AGBL4: variants seen among roughly 807,000 people sequenced by gnomAD.
AGBL4 encodes the protein cytosolic carboxypeptidase 6.
Under a neutral mutation model 66.4 loss-of-function variants are expected in AGBL4, and 58 were observed. That is an observed-to-expected ratio of 0.87 (90% CI 0.71 to 1.09). The LOEUF is 1.09. Among genes scored for constraint, AGBL4 ranks in the 50% least tolerant of loss-of-function variants. The pLI is 0.00. For synonymous variants in AGBL4, 234 were observed against 222.9 expected (o/e 1.05, Z -0.44); for missense variants, 579 against 631.0 (o/e 0.92, Z 0.88).
In AGBL4 at chr1:48,658,035, A is replaced by T. The variant is rs319999; in HGVS notation, c.725-4584T>A. On this transcript the variant is annotated intron_variant, in intron 7 of 13. Transcript: ENST00000371839. Reference sequence around the variant, plus strand: ...CTCAAGACCTATGTATGAAGTGAGCAAATAAAGATCGACCCATGACAACTA... The same window carrying T: ...CTCAAGACCTATGTATGAAGTGAGCTAATAAAGATCGACCCATGACAACTA... Among the ~76,000 whole-genome samples the T allele has an allele frequency of 7.9e-5, 12 of 152,106 alleles. No individual in the cohort carries two copies. In the East Asian group the frequency reaches 2.3e-3, roughly 30 times the overall value.
chr1:49,379,317 T>C (rs1644541225), intron 3 of AGBL4, among the ~76,000 whole-genome samples: 1 of 152,168 alleles, frequency 6.6e-6, no homozygotes, highest in Non-Finnish European at 1.5e-5. Flanking sequence ...CATTCTTACC[T>C]CACCAATTAG....
Position 48,541,675 on chromosome 1 carries a change from A to C in AGBL4, c.1268-1937T>G, listed in dbSNP as rs189011335. Among the ~76,000 whole-genome samples the C allele has an allele frequency of 1.5e-3, 226 of 152,344 alleles. 1 individual carries two copies. The highest frequency in any genetic ancestry group is 4.9e-3 in the African/African-American group (204 of 41,584). On this transcript the variant is annotated intron_variant, in intron 11 of 13. Coordinates refer to ENST00000371839, the MANE Select transcript of AGBL4 (RefSeq NM_032785.4). ...TCCCAGCTACTGGGGAGGCTGAGGC[A>C]GGAGGCTCGCTTGAACCCAAGAGAC...
At chr1:49,218,801 G>A (rs1268126462) in intron 4 of AGBL4, among the ~76,000 whole-genome samples, 2 of 152,076 alleles carry the variant, frequency 1.3e-5, no homozygotes, top group Non-Finnish European at 2.9e-5. Flanking sequence ...ACAGCGGGAG[G>A]TAACTGAATC....
intron 4 of AGBL4, among the ~76,000 whole-genome samples, chr1:49,151,122 A>G (rs1646320809): frequency 6.6e-6 from 1 of 151,728 alleles, no homozygotes; most frequent in African/African-American, 2.4e-5. Flanking sequence ...CAAAAATATT[A>G]GCCGGGCGTG....
intron 3 of AGBL4, among the ~76,000 whole-genome samples, chr1:49,411,958 A>G (rs1645324955): frequency 6.6e-6 from 1 of 152,320 alleles, no homozygotes; most frequent in East Asian, 1.9e-4. Context: ...AATTGTTACA[A>G]TGGTAAATTA....
At chr1:48,588,155 T>A (rs1276350116) in intron 10 of AGBL4, among the ~76,000 whole-genome samples, 1 of 152,184 alleles carries the variant, frequency 6.6e-6, no homozygotes, top group East Asian at 1.9e-4. Flanking sequence ...AAGTAAGTGA[T>A]ACAGCACAAA....
chr1:49,514,293 G>C (rs1203560700), intron 3 of AGBL4, among the ~76,000 whole-genome samples: 1 of 151,882 alleles, frequency 6.6e-6, no homozygotes, highest in Non-Finnish European at 1.5e-5. Context: ...TCCCTATCTT[G>C]TGCCAGTTTT....
intron 4 of AGBL4, among the ~76,000 whole-genome samples, chr1:49,201,405 G>C (rs569831354): frequency 6.6e-6 from 1 of 152,268 alleles, no homozygotes; most frequent in Admixed American, 6.5e-5. Flanking sequence ...AGGTGGCGTA[G>C]CTTAAAAATG....
chr1:49,347,702 A>C (rs576165607), intron 3 of AGBL4, among the ~76,000 whole-genome samples: 46 of 151,770 alleles, frequency 3.0e-4, no homozygotes, highest in African/African-American at 1.1e-3. Flanking sequence ...TACTAAAAAT[A>C]CAAAAAAATT....
At chr1:48,659,999 T>C (rs1287329700) in intron 7 of AGBL4, among the ~76,000 whole-genome samples, 2 of 152,220 alleles carry the variant, frequency 1.3e-5, no homozygotes, top group African/African-American at 4.8e-5. Flanking sequence ...CAGGGTTACA[T>C]TGCAGTAAGG....
At chr1:49,710,839 A>C (rs1187294904) in intron 2 of AGBL4, among the ~76,000 whole-genome samples, 1 of 151,884 alleles carries the variant, frequency 6.6e-6, no homozygotes, top group African/African-American at 2.4e-5. Context: ...TGTTACACAG[A>C]AAAAGAACGT....
chr1:49,286,198 G>T (rs1644404982), intron 3 of AGBL4, among the ~76,000 whole-genome samples: 1 of 152,144 alleles, frequency 6.6e-6, no homozygotes, highest in African/African-American at 2.4e-5. Context: ...ATTAGGTATT[G>T]ATGGGACATA....
chr1:49,434,778 TA>T (rs1275375870), intron 3 of AGBL4, among the ~76,000 whole-genome samples: 5 of 151,572 alleles, frequency 3.3e-5, no homozygotes, highest in African/African-American at 9.7e-5. Context: ...TGTTTTGGGA[TA>T]GGGGTTATAG....
intron 4 of AGBL4, among the ~76,000 whole-genome samples, chr1:49,137,078 T>G (rs1646026511): frequency 6.6e-6 from 1 of 152,170 alleles, no homozygotes; most frequent in Non-Finnish European, 1.5e-5. Context: ...ACTGAGTAAC[T>G]TGATATGTAT....
intron 5 of AGBL4, among the ~76,000 whole-genome samples, chr1:48,951,664 ATTACCCATCAT>A (rs1656990918): frequency 6.6e-6 from 1 of 152,300 alleles, no homozygotes; most frequent in South Asian, 2.1e-4. Flanking sequence ...GGCCCTCAAC[ATTACCCATCAT>A]GCTGGCATCC....
intron 6 of AGBL4, among the ~76,000 whole-genome samples, chr1:48,717,041 G>A (rs1343841215): frequency 6.6e-6 from 1 of 152,164 alleles, no homozygotes. Context: ...TCAGCTTCAG[G>A]CCACGTCTGT....
At chr1:48,919,603 G>C (rs1459012886) in intron 5 of AGBL4, among the ~76,000 whole-genome samples, 1 of 152,138 alleles carries the variant, frequency 6.6e-6, no homozygotes. Flanking sequence ...GTTAGATCAG[G>C]GTTTCTCAAC....
At chr1:49,743,804 C>CA (rs1218819639) in intron 2 of AGBL4, among the ~76,000 whole-genome samples, 4 of 148,622 alleles carry the variant, frequency 2.7e-5, no homozygotes, top group African/African-American at 9.9e-5. Context: ...ATCGCAAGGA[C>CA]AAAAAAACCA....
chr1:48,663,161 C>T lies in AGBL4; in HGVS notation c.715G>A (p.Val239Met). 1 of 1,613,918 alleles carries T rather than the reference C, an allele frequency of 6.2e-7. No individual in the cohort carries two copies. Residue 239 changes from valine to methionine, a missense_variant, in exon 7 of 14, where the codon GTG (valine) becomes ATG (methionine). By Grantham distance (21) the Val-to-Met change is conservative. Transcript: ENST00000371839. ...VHPGETPSSF[V>M]CQGIIDFLVS... is the part of the protein sequence containing the mutation. The stretch of plus-strand genomic sequence containing the variant: ...AGATCCTGCCACTCACCTTGGCACA[C>T]AAATGATGAGGGTGTTTCCCCTGGG...
Sources: allele counts gnomAD v4.1 joint callset (sites outside exome capture counted in the v4.1 genomes callset), GRCh38; gene constraint gnomAD v4.1.1; transcripts MANE v1.5; gene names NCBI Gene and HGNC (gene_info 2026-07-23, HGNC 2026-07-21).